Variants in ANKRD7 observed in about 807,000 individuals in gnomAD.
ANKRD7 encodes the protein ankyrin repeat domain 7.
In ANKRD7, 30 loss-of-function variants were observed where a neutral mutation model predicts 30.8. The observed-to-expected ratio is 0.97, with a 90% CI of 0.73 to 1.32. The LOEUF is 1.32. Among genes scored for constraint, ANKRD7 ranks in the 40% most tolerant of loss-of-function variants. The probability of loss-of-function intolerance (pLI) is 0.00; values close to 1 mark genes in which losing one functional copy is unlikely to be tolerated. For synonymous variants in ANKRD7, 97 were observed against 106.6 expected, an observed-to-expected ratio of 0.91 and a Z score of 0.55; for missense variants, 264 against 295.7, an observed-to-expected ratio of 0.89 and a Z score of 0.79.
At chr7:118,237,029 G>C in intron 5 of ANKRD7, 103 bp downstream of exon 5, 1 of 1,202,762 alleles carries the variant, frequency 8.3e-7, no homozygotes, top group South Asian at 1.5e-5. Flanking sequence ...AACAGTAGGG[G>C]TAACCACATA....
chr7:118,228,530 A>G (rs1809582049), intron 1 of ANKRD7, among the ~76,000 whole-genome samples: 1 of 152,178 alleles, frequency 6.6e-6, no homozygotes, highest in African/African-American at 2.4e-5. Flanking sequence ...GTTAGCTTGT[A>G]AGAACCACTA....
rs1171361705 is a variant in ANKRD7, at chr7:118,238,444, G to A, written c.713-1465G>A. 2.6e-5 allele frequency among the ~76,000 whole-genome samples: 4 copies of A among 152,102 alleles called. No individual in the cohort carries two copies. In the East Asian group the frequency reaches 7.7e-4, roughly 29 times the overall value. The stretch of plus-strand genomic sequence containing the variant: ...AAAACTACAATCTTGTCCTTTCACA[G>A]TATTTGCCCCTCTTTGCAGTGGGAA... On this transcript the variant is annotated intron_variant, in intron 5 of 6. Coordinates refer to ENST00000265224, the MANE Select transcript of ANKRD7 (RefSeq NM_019644.4).
chr7:118,235,598 C>CAA (rs1809714754), intron 3 of ANKRD7, among the ~76,000 whole-genome samples: 1 of 107,734 alleles, frequency 9.3e-6, no homozygotes. Flanking sequence ...GGCAACAGAG[C>CAA]AAGACTCTGT....
In ANKRD7 at chr7:118,236,207, C is replaced by CGT. The variant is rs370465561; in HGVS notation, c.575+61_575+62dup. The CGT allele has an allele frequency of 1.1e-3, 636 of 595,902 alleles. 18 individuals are homozygous for CGT. The highest frequency in any genetic ancestry group is 4.2e-3 in the East Asian group (132 of 31,434). The allele number at this position is 595,902 out of a possible 1,614,324, so 36.9% of individuals were successfully genotyped here. A position where few individuals can be genotyped will look rare whatever the true frequency, so the allele number is the denominator to read the frequency against. Reference sequence around the variant, plus strand: ...GCTACCTGATAGGATTGTGTGTGTGCGTATGTGTGTGTGTGTGTGTGTGTG... The same window carrying CGT: ...GCTACCTGATAGGATTGTGTGTGTGCGTGTATGTGTGTGTGTGTGTGTGTGTG... On this transcript the variant is annotated intron_variant, in intron 4 of 6. Transcript: ENST00000265224.
chr7:118,241,521 CTTTTTTTTTTTTT>C (rs3061682), intron 6 of ANKRD7, among the ~76,000 whole-genome samples: 1,962 of 84,594 alleles, frequency 0.023, 38 homozygotes, highest in Non-Finnish European at 0.033. Flanking sequence ...TCTGAATTAC[CTTTTTTTTTTTTT>C]TTTTTTTTTT....
chr7:118,235,664 A>G (rs1809716705), intron 3 of ANKRD7, among the ~76,000 whole-genome samples: 1 of 151,236 alleles, frequency 6.6e-6, no homozygotes, highest in African/African-American at 2.4e-5. Flanking sequence ...TATTTTGTCC[A>G]CAGCCAAAAT....
chr7:118,225,329 A>T (rs1229157134), intron 1 of ANKRD7, among the ~76,000 whole-genome samples: 3 of 152,024 alleles, frequency 2.0e-5, no homozygotes. Context: ...TCTAACCAAA[A>T]ATGCAAAAAT....
chr7:118,225,886 T>C (rs6950694), intron 1 of ANKRD7, among the ~76,000 whole-genome samples: 6,703 of 152,272 alleles, frequency 0.044, 224 homozygotes, highest in Non-Finnish European at 0.06. Context: ...TCACCAAATA[T>C]ATGCTGCAAA....
chr7:118,224,835 A>G lies in ANKRD7; in HGVS notation c.5A>G (p.Asn2Ser), dbSNP rs1158954629. The change falls in exon 1 of 7, where the codon AAT becomes AGT. Residue 2 changes from asparagine to serine, a missense_variant. Coordinates refer to ENST00000265224, the MANE Select transcript of ANKRD7 (RefSeq NM_019644.4). M[N>S]KLFSFWKRKN... The stretch of plus-strand genomic sequence containing the variant: ...AAGGCTGCAGCCTGCACCGCCATGA[A>G]TAAGCTTTTCAGCTTCTGGAAGAGG... 2 of 1,612,314 alleles carry G rather than the reference A, an allele frequency of 1.2e-6. No individual in the cohort carries two copies. The highest frequency in any genetic ancestry group is 2.2e-5 in the East Asian group (1 of 44,884).
chr7:118,224,727 C>T lies in ANKRD7; in HGVS notation c.-104C>T, dbSNP rs2115987455. On this transcript the variant is annotated 5_prime_UTR_variant, in exon 1 of 7. Coordinates refer to ENST00000265224, the MANE Select transcript of ANKRD7 (RefSeq NM_019644.4). ...CCAGCATTTCCACTTTCGTCAGGTACTGGAGAGGGCTGCCGGCCGGATGCC... is the reference window on the plus strand; with the variant it reads ...CCAGCATTTCCACTTTCGTCAGGTATTGGAGAGGGCTGCCGGCCGGATGCC... 1 of 1,514,856 alleles carries T rather than the reference C, an allele frequency of 6.6e-7. No homozygotes were observed. The highest frequency in any genetic ancestry group is 8.8e-7 in the Non-Finnish European group (1 of 1,136,188). 93.8% of individuals were successfully genotyped at this position (1,514,856 alleles called of 1,614,324 possible).
At chr7:118,240,609 A>T (rs1809815283) in intron 6 of ANKRD7, among the ~76,000 whole-genome samples, 1 of 151,998 alleles carries the variant, frequency 6.6e-6, no homozygotes, top group African/African-American at 2.4e-5. Flanking sequence ...AATGATTAAG[A>T]TCATTTTTTA....
intron 4 of ANKRD7, 63 bp downstream of exon 4, chr7:118,236,210 ATGTGTG>A (rs3993811): frequency 2.3e-4 from 141 of 605,740 alleles, no homozygotes; most frequent in Middle Eastern, 5.0e-4. Flanking sequence ...GTGTGTGCGT[ATGTGTG>A]TGTGTGTGTG....
chr7:118,232,176 A>AT (rs199588706), intron 1 of ANKRD7, among the ~76,000 whole-genome samples: 34 of 149,574 alleles, frequency 2.3e-4, no homozygotes, highest in South Asian at 1.1e-3. Flanking sequence ...GCCACAACAA[A>AT]TTTTTTTTTT....
At position 118,236,871 on chromosome 7, in the gene ANKRD7, C is replaced by T. The variant is rs752385461; in HGVS notation, c.657C>T (p.Tyr219=). The T allele has an allele frequency of 2.1e-5, 34 of 1,613,782 alleles. 1 individual carries two copies. In the South Asian group the frequency reaches 2.3e-4, roughly 11 times the overall value. Residue 219 remains tyrosine, a synonymous_variant, in exon 5 of 7, where the codon TAC becomes TAT. Coordinates refer to ENST00000265224, the MANE Select transcript of ANKRD7 (RefSeq NM_019644.4). ...TTCAGCAAGGTGTGGAATTATGTTA[C>T]GAAGGTATTGTGGATTCACAGCTGA... is the stretch of plus-strand genomic sequence containing the variant. The part of the protein sequence containing the change: ...LLLQQGVELC[Y]EGIVDSQLRN...
At chr7:118,241,699 C>G (rs1484990919) in intron 6 of ANKRD7, among the ~76,000 whole-genome samples, 1 of 151,540 alleles carries the variant, frequency 6.6e-6, no homozygotes, top group African/African-American at 2.4e-5. Flanking sequence ...CCACCATGCC[C>G]GACTAATTTT....
intron 1 of ANKRD7, among the ~76,000 whole-genome samples, chr7:118,233,247 G>A (rs183285445): frequency 3.0e-4 from 45 of 152,118 alleles, no homozygotes; most frequent in African/African-American, 9.1e-4. Context: ...TTTCCATGTA[G>A]TATGTTAATT....
At chr7:118,238,486 T>G (rs1462394214) in intron 5 of ANKRD7, among the ~76,000 whole-genome samples, 1 of 152,168 alleles carries the variant, frequency 6.6e-6, no homozygotes, top group Non-Finnish European at 1.5e-5. Flanking sequence ...TTTCTGTAAT[T>G]GTGACTTTTG....
chr7:118,228,638 C>T (rs909833449), intron 1 of ANKRD7, among the ~76,000 whole-genome samples: 6 of 152,102 alleles, frequency 3.9e-5, no homozygotes, highest in East Asian at 1.9e-4. Flanking sequence ...TTTTCTTTTT[C>T]GATAAATGCC....
chr7:118,226,908 G>A (rs1030901658), intron 1 of ANKRD7, among the ~76,000 whole-genome samples: 2 of 152,136 alleles, frequency 1.3e-5, no homozygotes, highest in Non-Finnish European at 2.9e-5. Flanking sequence ...AGAGTCAACT[G>A]TAGTTGCATC....
Sources: allele counts gnomAD v4.1 joint callset (sites outside exome capture counted in the v4.1 genomes callset), GRCh38; gene constraint gnomAD v4.1.1; transcripts MANE v1.5; gene names NCBI Gene and HGNC (gene_info 2026-07-23, HGNC 2026-07-21).